Variants in SPG11 observed in about 807,000 individuals in gnomAD.
SPG11 encodes the protein SPG11 vesicle trafficking associated, spatacsin.
Under a neutral mutation model 274.0 loss-of-function variants are expected in SPG11, and 222 were observed. The observed-to-expected ratio is 0.81, with a 90% CI of 0.73 to 0.91. The LOEUF is 0.91. Ranked by LOEUF, SPG11 falls within the 40% of genes least tolerant of loss-of-function variation. SPG11 has a pLI of 0.00. For missense variants in SPG11, 3,114 were observed against 2,872.7 expected (o/e 1.08, Z -1.92); for synonymous variants, 1,144 against 1,039.7 (o/e 1.10, Z -1.93).
chr15:44,586,411 C>T (rs910651257), intron 28 of SPG11, among the ~76,000 whole-genome samples: 4 of 151,478 alleles, frequency 2.6e-5, no homozygotes, highest in Admixed American at 1.3e-4. Context: ...TTTGGGAGGC[C>T]GAGGTGGGTG....
intron 28 of SPG11, among the ~76,000 whole-genome samples, chr15:44,586,708 A>T (rs756739256): frequency 3.3e-5 from 5 of 152,196 alleles, no homozygotes; most frequent in Non-Finnish European, 7.3e-5. Flanking sequence ...GGCTTTATAT[A>T]CAGGGCAGAG....
chr15:44,659,422 C>T, intron 2 of SPG11, 119 bp from the exon 3 acceptor site: 1 of 886,310 alleles, frequency 1.1e-6, no homozygotes, highest in Non-Finnish European at 1.8e-6. Flanking sequence ...CTTAGTCTAA[C>T]TTTACGCAGT....
chr15:44,620,552 CT>C (rs137921465), intron 14 of SPG11, 149 bp from the exon 15 acceptor site: 11 of 684,062 alleles, frequency 1.6e-5, no homozygotes, highest in Non-Finnish European at 1.9e-5. Flanking sequence ...TACTATTTTC[CT>C]TTTTTTGAGA....
intron 30 of SPG11, among the ~76,000 whole-genome samples, chr15:44,580,700 A>C (rs2082642343): frequency 6.6e-6 from 1 of 152,268 alleles, no homozygotes; most frequent in Non-Finnish European, 1.5e-5. Flanking sequence ...CTGAAGCAGG[A>C]CAATCACTTG....
chr15:44,615,607 A>C, intron 15 of SPG11, 41 bp from the exon 16 acceptor site: 1 of 1,586,672 alleles, frequency 6.3e-7, no homozygotes. Flanking sequence ...AAAAGTTGCT[A>C]TGTTCAGAGT....
chr15:44,643,893 G>T (rs914193424), intron 7 of SPG11, among the ~76,000 whole-genome samples: 3 of 151,964 alleles, frequency 2.0e-5, no homozygotes, highest in African/African-American at 7.3e-5. Context: ...GCTGGGAGTG[G>T]TGGCTCACGC....
intron 7 of SPG11, among the ~76,000 whole-genome samples, chr15:44,641,478 G>GA (rs1322187365): frequency 6.6e-6 from 1 of 151,700 alleles, no homozygotes; most frequent in Admixed American, 6.6e-5. Context: ...TTGGTATCTA[G>GA]AGAATATCCA....
intron 7 of SPG11, among the ~76,000 whole-genome samples, chr15:44,636,728 C>T (rs2084266430): frequency 6.6e-6 from 1 of 150,962 alleles, no homozygotes; most frequent in Non-Finnish European, 1.5e-5. Flanking sequence ...GAGTTTGAGA[C>T]CAGCCTGGCC....
chr15:44,625,959 C>T (rs925889201), intron 11 of SPG11, among the ~76,000 whole-genome samples: 2 of 152,180 alleles, frequency 1.3e-5, no homozygotes, highest in African/African-American at 4.8e-5. Flanking sequence ...GGATTACAGG[C>T]GTGAGCCACC....
chr15:44,605,879 CTG>C (rs2140993948), intron 20 of SPG11, 144 bp downstream of exon 20: 1 of 716,212 alleles, frequency 1.4e-6, no homozygotes, highest in Admixed American at 2.1e-5. Flanking sequence ...GTTTTCAATT[CTG>C]TCTTTGCGAA....
intron 6 of SPG11, among the ~76,000 whole-genome samples, chr15:44,650,273 C>T (rs1005492572): frequency 2.0e-5 from 3 of 152,164 alleles, no homozygotes; most frequent in African/African-American, 7.2e-5. Context: ...AATCCTAGCA[C>T]TTTGGGAGGC....
At chr15:44,636,937 A>AC (rs1567180456) in intron 7 of SPG11, among the ~76,000 whole-genome samples, 29 of 119,300 alleles carry the variant, frequency 2.4e-4, no homozygotes, top group African/African-American at 9.1e-4. Flanking sequence ...AAAAAAAAAA[A>AC]AAAAAAAAAA....
intron 33 of SPG11, among the ~76,000 whole-genome samples, chr15:44,571,073 C>G (rs1336388968): frequency 2.0e-5 from 3 of 152,152 alleles, no homozygotes; most frequent in Non-Finnish European, 4.4e-5. Context: ...TTCTGGCTTT[C>G]TAGAGTAGTG....
At chr15:44,631,803 C>CTTTTTTTTTTTTTTTTT (rs1205482825) in intron 8 of SPG11, among the ~76,000 whole-genome samples, 5 of 100,470 alleles carry the variant, frequency 5.0e-5, no homozygotes, top group African/African-American at 1.9e-4. Flanking sequence ...CTGCACCCAG[C>CTTTTTTTTTTTTTTTTT]TTTTTTTTTT....
chr15:44,636,925 C>CAAAAAAAAAAAAACAAAAA (rs2084275682), intron 7 of SPG11, among the ~76,000 whole-genome samples: 12 of 19,450 alleles, frequency 6.2e-4, no homozygotes, highest in East Asian at 6.0e-3. Context: ...GACTCCATCT[C>CAAAAAAAAAAAAACAAAAA]AAAAAAAAAA....
At chr15:44,610,490 C>G (rs1345410730) in intron 18 of SPG11, among the ~76,000 whole-genome samples, 1 of 152,166 alleles carries the variant, frequency 6.6e-6, no homozygotes, top group Non-Finnish European at 1.5e-5. Flanking sequence ...TCAAGTGATT[C>G]TCATGCCTCA....
intron 30 of SPG11, among the ~76,000 whole-genome samples, chr15:44,578,059 C>CT (rs1340735328): frequency 2.9e-5 from 4 of 140,256 alleles, no homozygotes; most frequent in Admixed American, 1.5e-4. Flanking sequence ...GAGTCTCGCT[C>CT]TGTCGCCCAG....
rs1479402870 is a variant in SPG11, at chr15:44,575,526, G to C, written c.5867-485C>G. ...TTTTTTTTTTTTGAGATGGAGTCTTGCTCTGTCACCCAGGCTGGAGTGCAG... is the reference window on the plus strand; with the variant it reads ...TTTTTTTTTTTTGAGATGGAGTCTTCCTCTGTCACCCAGGCTGGAGTGCAG... On this transcript the variant is annotated intron_variant, in intron 30 of 39. Coordinates refer to ENST00000261866, the MANE Select transcript of SPG11 (RefSeq NM_025137.4). 3.8e-5 allele frequency among the ~76,000 whole-genome samples: 5 copies of C among 131,330 alleles called. No homozygotes were observed. The Admixed American group carries it at 4.2e-4, about 11-fold the overall frequency. 86.2% of individuals were successfully genotyped at this position (131,330 alleles called of 152,430 possible). A position where few individuals can be genotyped will look rare whatever the true frequency, so the allele number is the denominator to read the frequency against.
At chr15:44,565,741 T>C in intron 38 of SPG11, 113 bp downstream of exon 38, 1 of 1,317,502 alleles carries the variant, frequency 7.6e-7, no homozygotes, top group South Asian at 1.2e-5. Flanking sequence ...AAATCAGAAC[T>C]GTACTGTCCT....
Sources: gnomAD v4.1 joint callset for allele counts (sites outside exome capture counted in the v4.1 genomes callset) on GRCh38, gnomAD v4.1.1 for gene constraint, MANE v1.5 for transcripts, NCBI Gene and HGNC (gene_info 2026-07-23, HGNC 2026-07-21) for gene names.